Variants in PTGS2 observed in about 807,000 individuals in gnomAD.
PTGS2 encodes the protein prostaglandin-endoperoxide synthase 2.
Under a neutral mutation model 63.8 loss-of-function variants are expected in PTGS2, and 14 were observed. The observed-to-expected ratio is 0.22, with a 90% CI of 0.14 to 0.34. The LOEUF is 0.34. Ranked by LOEUF, PTGS2 falls within the 10% of genes least tolerant of loss-of-function variation. The pLI is 1.00. For missense variants in PTGS2, 533 were observed against 738.5 expected (o/e 0.72, Z 3.23); for synonymous variants, 271 against 259.5 (o/e 1.04, Z -0.43).
chr1:186,675,834 C>A, intron 8 of PTGS2, 64 bp downstream of exon 8: 1 of 1,442,618 alleles, frequency 6.9e-7, no homozygotes, highest in Non-Finnish European at 9.4e-7. Context: ...AAAATAATTT[C>A]CGTGGCAGAA....
At chr1:186,676,998 AAT>A (rs1665793663) in intron 5 of PTGS2, 82 bp from the exon 6 acceptor site, 1 of 1,001,446 alleles carries the variant, frequency 1.0e-6, no homozygotes, top group Non-Finnish European at 1.5e-6. Flanking sequence ...TTCATCATTA[AAT>A]AATTTGATCA....
At chr1:186,675,126 G>T in intron 9 of PTGS2, 123 bp downstream of exon 9, 1 of 1,275,224 alleles carries the variant, frequency 7.8e-7, no homozygotes, top group South Asian at 1.4e-5. Flanking sequence ...GCAGTGAGCC[G>T]AGATGGCGCC....
chr1:186,677,713 G>A lies in PTGS2; in HGVS notation c.575C>T (p.Thr192Met). ...MMFAFFAQHFTHQFFKTDHKR... is the reference protein window; with the variant it reads ...MMFAFFAQHFMHQFFKTDHKR... ...ATGATCTGTCTTGAAAAACTGATGC[G>A]TGAAGTGCTGGGCAAAGAATGCAAA... The change falls in exon 5 of 10, where the codon ACG becomes ATG. Residue 192 changes from threonine (T) to methionine (M), a missense_variant. Physicochemically the swap from Thr to Met is moderately conservative, Grantham distance 81. Coordinates refer to ENST00000367468, the MANE Select transcript of PTGS2 (RefSeq NM_000963.4). The A allele has an allele frequency of 3.7e-6, 6 of 1,613,988 alleles. No individual in the cohort carries two copies. The highest frequency in any genetic ancestry group is 5.1e-6 in the Non-Finnish European group (6 of 1,179,964).
intron 8 of PTGS2, 110 bp downstream of exon 8, chr1:186,675,788 G>A (rs1335506478): frequency 2.7e-6 from 3 of 1,098,080 alleles, no homozygotes; most frequent in South Asian, 1.8e-5. Flanking sequence ...AATTTTACTA[G>A]CAATATAACT....
chr1:186,677,590 A>G, intron 5 of PTGS2, 59 bp downstream of exon 5: 13 of 1,444,966 alleles, frequency 9.0e-6, no homozygotes, highest in Non-Finnish European at 1.0e-5. Context: ...CTTTAATGTT[A>G]GCCCTTGACT....
At position 186,672,484 on chromosome 1, in the gene PTGS2, C is replaced by T. The variant is rs898588734; in HGVS notation, c.*1869G>A. On this transcript the variant is annotated 3_prime_UTR_variant, in exon 10 of 10. Transcript: ENST00000367468. ...GTTTACATAATATTCAGAGAGGTAA[C>T]CCCAAAGAAAATATACTGATTGTGA... 6.6e-6 allele frequency: 1 copy of T among 151,842 alleles called. No homozygotes were observed. Among genetic ancestry groups the T allele is most frequent in the Non-Finnish European group, 1.5e-5 (1 of 67,944 alleles). 9.4% of individuals were successfully genotyped at this position (151,842 alleles called of 1,614,324 possible).
At position 186,680,302 on chromosome 1, in the gene PTGS2, G is replaced by T; in HGVS notation, c.-12C>A. On this transcript the variant is annotated 5_prime_UTR_variant, in exon 1 of 10. Coordinates refer to ENST00000367468, the MANE Select transcript of PTGS2 (RefSeq NM_000963.4). ...GCGCGGGCGAGCATCGCAGCGGCGGGCAGGGCGCGGCGCGGGGGTAGGCTT... is the reference window on the plus strand; with the variant it reads ...GCGCGGGCGAGCATCGCAGCGGCGGTCAGGGCGCGGCGCGGGGGTAGGCTT... 6.5e-7 allele frequency: 1 copy of T among 1,537,172 alleles called. No homozygotes were observed. The highest frequency in any genetic ancestry group is 1.2e-5 in the South Asian group (1 of 82,896).
intron 4 of PTGS2, 36 bp downstream of exon 4, chr1:186,678,225 T>C (rs751071838): frequency 1.9e-6 from 3 of 1,550,448 alleles, no homozygotes; most frequent in Non-Finnish European, 2.6e-6. Context: ...GCCCGTCTTA[T>C]AGTTAATACA....
Position 186,672,067 on chromosome 1 carries a change from T to C in PTGS2, c.*2286A>G, listed in dbSNP as rs1571807464. On this transcript the variant is annotated 3_prime_UTR_variant, in exon 10 of 10. Coordinates refer to ENST00000367468, the MANE Select transcript of PTGS2 (RefSeq NM_000963.4). ...TTCTTAACCTTAAACATTCTAAACG[T>C]AAAATTGTAAAGAAGATTCTCCTGA... The C allele has an allele frequency of 6.6e-6, 1 of 152,030 alleles. No homozygotes were observed. Among genetic ancestry groups the C allele is most frequent in the Admixed American group, 6.6e-5 (1 of 15,240 alleles). The allele number at this position is 152,030 out of a possible 1,614,324, so 9.4% of individuals were successfully genotyped here.
chr1:186,680,213 C>A (rs199518299), intron 1 of PTGS2, 26 bp downstream of exon 1: 4 of 1,549,712 alleles, frequency 2.6e-6, no homozygotes, highest in Non-Finnish European at 3.5e-6. Flanking sequence ...AACCGGAGTC[C>A]CCGGTGCGCG....
rs1443094098 is a variant in PTGS2, at chr1:186,676,071, G to A, written c.1084C>T (p.Arg362Cys). 6.2e-7 allele frequency: 1 copy of A among 1,614,076 alleles called. No homozygotes were observed. The highest frequency in any genetic ancestry group is 1.1e-5 in the South Asian group (1 of 91,064). The stretch of plus-strand genomic sequence containing the variant: ...AGGGTGTTAAATTCAGCAGCAATAC[G>A]ATTTTGGTACTGGAATTGTTTGTTG... ...LFNKQFQYQN[R>C]IAAEFNTLYH... Residue 362 changes from arginine to cysteine, a missense_variant, in exon 8 of 10, where the codon CGT becomes TGT. This residue lies in a region of PTGS2 where 67 missense variants were observed against 152.6 expected (regional missense o/e 0.44). Coordinates refer to ENST00000367468, the MANE Select transcript of PTGS2 (RefSeq NM_000963.4).
Position 186,677,053 on chromosome 1 carries a change from A to T in PTGS2, c.640-137T>A, listed in dbSNP as rs1274270526. The T allele has an allele frequency of 2.8e-5, 18 of 639,368 alleles. No individual in the cohort carries two copies. The East Asian group carries it at 4.8e-4, about 17-fold the overall frequency. The allele number at this position is 639,368 out of a possible 1,614,324, so 39.6% of individuals were successfully genotyped here. On this transcript the variant is annotated intron_variant, in intron 5 of 9. Coordinates refer to ENST00000367468, the MANE Select transcript of PTGS2 (RefSeq NM_000963.4). Reference sequence around the variant, plus strand: ...TTTTTAAATAAAATATACATTTTTCATAGCCATGAATTGCTAAATTAATTT... The same window carrying T: ...TTTTTAAATAAAATATACATTTTTCTTAGCCATGAATTGCTAAATTAATTT...
intron 8 of PTGS2, chr1:186,675,627 A>G: frequency 1.6e-6 from 1 of 624,908 alleles, no homozygotes; most frequent in Non-Finnish European, 2.7e-6. Flanking sequence ...ACTAGTATTC[A>G]AGCCTAAAAT....
At position 186,677,735 on chromosome 1, in the gene PTGS2, C is replaced by A. The variant is rs1235898281; in HGVS notation, c.553G>T (p.Ala185Ser). The A allele has an allele frequency of 1.2e-6, 2 of 1,613,966 alleles. No homozygotes were observed. Among genetic ancestry groups the A allele is most frequent in the South Asian group, 1.1e-5 (1 of 91,040 alleles). The change falls in exon 5 of 10, where the codon GCA becomes TCA. Residue 185 changes from alanine to serine, a missense_variant. Around this residue, in one of 5 missense-constraint regions of PTGS2, gnomAD observed 118 missense variants for 138.7 expected, o/e 0.85. Coordinates refer to ENST00000367468, the MANE Select transcript of PTGS2 (RefSeq NM_000963.4). ...TGCGTGAAGTGCTGGGCAAAGAATG[C>A]AAACATCATGTTTGAGCCCTGGGGA... ...PDPQGSNMMF[A>S]FFAQHFTHQF...
In PTGS2 at chr1:186,677,830, C is replaced by A. The variant is rs1665808729; in HGVS notation, c.458G>T (p.Gly153Val). 1 of 1,612,170 alleles carries A rather than the reference C, an allele frequency of 6.2e-7. No individual in the cohort carries two copies. ...DDCPTPLGVKGKKQLPDSNEI... is the reference protein window; with the variant it reads ...DDCPTPLGVKVKKQLPDSNEI... Reference sequence around the variant, plus strand: ...ATTTGAATCAGGAAGCTGCTTTTTACCTGAAAAATGAGAAAGCTAAGGTAA... The same window carrying A: ...ATTTGAATCAGGAAGCTGCTTTTTAACTGAAAAATGAGAAAGCTAAGGTAA... Residue 153 changes from glycine (G) to valine (V), a missense_variant and splice_region_variant, in exon 5 of 10, where the codon GGT becomes GTT. Gly to Val is a moderately radical substitution (Grantham distance 109, BLOSUM62 -3). Around this residue, in one of 5 missense-constraint regions of PTGS2, gnomAD observed 118 missense variants for 138.7 expected, o/e 0.85. Coordinates refer to ENST00000367468, the MANE Select transcript of PTGS2 (RefSeq NM_000963.4).
chr1:186,679,903 A>G (rs1051230264), intron 1 of PTGS2, among the ~76,000 whole-genome samples: 8 of 152,196 alleles, frequency 5.3e-5, no homozygotes, highest in African/African-American at 1.7e-4. Flanking sequence ...CTTCCACTCA[A>G]TAAAAAGGTT....
Position 186,672,502 on chromosome 1 carries a change from G to C in PTGS2, c.*1851C>G, listed in dbSNP as rs1482457898. 6.7e-6 allele frequency: 1 copy of C among 148,674 alleles called. No homozygotes were observed. Among genetic ancestry groups the C allele is most frequent in the Non-Finnish European group, 1.5e-5 (1 of 67,934 alleles). 9.2% of individuals were successfully genotyped at this position (148,674 alleles called of 1,614,324 possible). On this transcript the variant is annotated 3_prime_UTR_variant, in exon 10 of 10. Coordinates refer to ENST00000367468, the MANE Select transcript of PTGS2 (RefSeq NM_000963.4). ...GAGGTAACCCCAAAGAAAATATACTGATTGTGACATAACAAAAAAAAATCA... is the reference window on the plus strand; with the variant it reads ...GAGGTAACCCCAAAGAAAATATACTCATTGTGACATAACAAAAAAAAATCA...
Position 186,674,667 on chromosome 1 carries a change from C to T in PTGS2, c.1501G>A (p.Asp501Asn). 1 of 1,614,228 alleles carries T rather than the reference C, an allele frequency of 6.2e-7. No individual in the cohort carries two copies. The highest frequency in any genetic ancestry group is 8.5e-7 in the Non-Finnish European group (1 of 1,180,042). Residue 501 changes from aspartate to asparagine, a missense_variant, in exon 10 of 10, where the codon GAT becomes AAT. By Grantham distance (23) the Asp-to-Asn change is conservative. Transcript: ENST00000367468. Reference protein sequence around the residue: ...PALLVEKPRPDAIFGETMVEV... With the variant: ...PALLVEKPRPNAIFGETMVEV... Reference sequence around the variant, plus strand: ...ACCATGGTTTCACCAAAGATGGCATCTGGCCGAGGCTTTTCTACCAGAAGG... The same window carrying T: ...ACCATGGTTTCACCAAAGATGGCATTTGGCCGAGGCTTTTCTACCAGAAGG...
Position 186,680,294 on chromosome 1 carries a change from A to T in PTGS2, c.-4T>A, listed in dbSNP as rs900370263. 1 of 1,540,766 alleles carries T rather than the reference A, an allele frequency of 6.5e-7. No individual in the cohort carries two copies. The stretch of plus-strand genomic sequence containing the variant: ...GCAGCAGGGCGCGGGCGAGCATCGC[A>T]GCGGCGGGCAGGGCGCGGCGCGGGG... On this transcript the variant is annotated 5_prime_UTR_variant, in exon 1 of 10. Coordinates refer to ENST00000367468, the MANE Select transcript of PTGS2 (RefSeq NM_000963.4).
Sources: gnomAD v4.1 joint callset for allele counts (sites outside exome capture counted in the v4.1 genomes callset) on GRCh38, gnomAD v4.1.1 for gene constraint, gnomAD v4.1.1 regional missense constraint, MANE v1.5 for transcripts, NCBI Gene and HGNC (gene_info 2026-07-23, HGNC 2026-07-21) for gene names.